Variants in CTNNA2 observed in about 807,000 individuals in gnomAD.
The protein encoded by CTNNA2 is catenin alpha 2, also known as catenin alpha-2.
In CTNNA2, 42 loss-of-function variants were observed where a neutral mutation model predicts 101.0. The observed-to-expected ratio is 0.42, with a 90% confidence interval of 0.32 to 0.54. CTNNA2 has a LOEUF of 0.54. CTNNA2 is among the 20% of genes least tolerant of loss of function. CTNNA2 has a pLI of 0.14. For missense variants in CTNNA2, 871 were observed against 1,223.1 expected, an observed-to-expected ratio of 0.71 and a Z score of 4.29; for synonymous variants, 450 against 456.4, an observed-to-expected ratio of 0.99 and a Z score of 0.18.
At chr2:80,625,544 G>A (rs1671595359) in intron 18 of CTNNA2, among the ~76,000 whole-genome samples, 1 of 151,952 alleles carries the variant, frequency 6.6e-6, no homozygotes, top group Admixed American at 6.6e-5. Flanking sequence ...GTCATTTTTT[G>A]TATGACACTT....
intron 1 of CTNNA2, among the ~76,000 whole-genome samples, chr2:79,644,148 C>T (rs1680639762): frequency 6.6e-6 from 1 of 152,166 alleles, no homozygotes; most frequent in South Asian, 2.1e-4. Context: ...AACAATTCTC[C>T]TGCCTCAGCC....
chr2:79,553,752 A>G (rs1674266345), intron 1 of CTNNA2, among the ~76,000 whole-genome samples: 2 of 152,192 alleles, frequency 1.3e-5, no homozygotes, highest in Admixed American at 6.5e-5. Flanking sequence ...ACCTACTACC[A>G]GGCTTCTCCT....
At chr2:80,431,348 T>C (rs1186442029) in intron 9 of CTNNA2, among the ~76,000 whole-genome samples, 1 of 152,174 alleles carries the variant, frequency 6.6e-6, no homozygotes, top group Non-Finnish European at 1.5e-5. Context: ...TGTGTAATGA[T>C]TTACCCCTAC....
At chr2:80,148,867 ATCT>A (rs1400790091) in intron 7 of CTNNA2, among the ~76,000 whole-genome samples, 4 of 152,110 alleles carry the variant, frequency 2.6e-5, no homozygotes, top group South Asian at 2.1e-4. Flanking sequence ...GCTGCAGATC[ATCT>A]TCTTTATTGC....
chr2:79,849,816 G>A (rs578167903), intron 3 of CTNNA2, among the ~76,000 whole-genome samples: 1 of 152,298 alleles, frequency 6.6e-6, no homozygotes, highest in East Asian at 1.9e-4. Flanking sequence ...AGAGTGTATA[G>A]CATCTGGGAT....
chr2:80,506,491 G>T (rs556815017), intron 9 of CTNNA2, among the ~76,000 whole-genome samples: 1 of 152,246 alleles, frequency 6.6e-6, no homozygotes, highest in East Asian at 1.9e-4. Flanking sequence ...GGTCTACATA[G>T]GTCACAATGG....
At chr2:80,537,888 C>T (rs770662049) in intron 9 of CTNNA2, among the ~76,000 whole-genome samples, 6 of 152,018 alleles carry the variant, frequency 3.9e-5, no homozygotes, top group African/African-American at 7.2e-5. Flanking sequence ...CCACCACACC[C>T]GCCCTGTTTC....
Position 79,591,504 on chromosome 2 carries a change from G to T in CTNNA2, c.-5-60048G>T, listed in dbSNP as rs77124846. 6.6e-3 allele frequency among the ~76,000 whole-genome samples: 1,012 copies of T among 152,244 alleles called. 49 individuals are homozygous for T. In the East Asian group the frequency reaches 0.1, roughly 15 times the overall value. On this transcript the variant is annotated intron_variant, in intron 1 of 18. Coordinates refer to ENST00000402739, the MANE Select transcript of CTNNA2 (RefSeq NM_001282597.3). Reference sequence around the variant, plus strand: ...CAGCAGAATCTGTCATAAGATTCATGTTTAATTCTTTAACCTTCACATCTT... The same window carrying T: ...CAGCAGAATCTGTCATAAGATTCATTTTTAATTCTTTAACCTTCACATCTT...
chr2:80,212,219 T>C (rs1707939326), intron 7 of CTNNA2, among the ~76,000 whole-genome samples: 1 of 152,208 alleles, frequency 6.6e-6, no homozygotes, highest in Non-Finnish European at 1.5e-5. Context: ...TTCTTTCTCC[T>C]GCCTGATTGC....
At chr2:80,073,829 A>C (rs1698511972) in intron 7 of CTNNA2, among the ~76,000 whole-genome samples, 1 of 151,746 alleles carries the variant, frequency 6.6e-6, no homozygotes, top group Non-Finnish European at 1.5e-5. Context: ...ATAATATCTT[A>C]ATCATTTTTC....
At chr2:80,068,339 C>T (rs1698112146) in intron 7 of CTNNA2, among the ~76,000 whole-genome samples, 1 of 152,164 alleles carries the variant, frequency 6.6e-6, no homozygotes. Flanking sequence ...CACTAGGTAA[C>T]AGGGAGGTCA....
intron 7 of CTNNA2, among the ~76,000 whole-genome samples, chr2:80,179,643 G>A (rs562202996): frequency 6.6e-6 from 1 of 152,300 alleles, no homozygotes; most frequent in African/African-American, 2.4e-5. Context: ...AAAATGCTGG[G>A]ATTACAGGTG....
intron 2 of CTNNA2, among the ~76,000 whole-genome samples, chr2:79,218,310 T>TG (rs1558577119): frequency 3.1e-5 from 4 of 130,592 alleles, no homozygotes; most frequent in East Asian, 4.9e-4. Context: ...CTTCATGAAC[T>TG]TTGTGTGTGT....
At chr2:80,617,560 G>A (rs75169946) in intron 17 of CTNNA2, among the ~76,000 whole-genome samples, 247 of 151,826 alleles carry the variant, frequency 1.6e-3, no homozygotes, top group Non-Finnish European at 2.9e-3. Flanking sequence ...CTTTTTATAT[G>A]CAAGACTTTT....
chr2:80,000,040 A>G (rs1414893750), intron 7 of CTNNA2, among the ~76,000 whole-genome samples: 2 of 152,138 alleles, frequency 1.3e-5, no homozygotes, highest in African/African-American at 4.8e-5. Flanking sequence ...GGCAGTGGGA[A>G]TTATGAGAAA....
upstream of CTNNA2, chr2:79,513,021 C>G (rs1270485704): frequency 6.6e-6 from 1 of 152,316 alleles, no homozygotes; most frequent in East Asian, 1.9e-4. Context: ...CTTCCAGCCC[C>G]GAGTGAGGCG....
At chr2:79,717,201 TGTAA>T (rs1244106521) in intron 2 of CTNNA2, among the ~76,000 whole-genome samples, 2 of 152,194 alleles carry the variant, frequency 1.3e-5, no homozygotes, top group Admixed American at 6.5e-5. Flanking sequence ...TTTTTAACTA[TGTAA>T]GTATCTTATT....
chr2:80,303,029 G>A lies in CTNNA2; in HGVS notation c.1057-90182G>A. 6.2e-7 allele frequency: 1 copy of A among 1,613,770 alleles called. No homozygotes were observed. The highest frequency in any genetic ancestry group is 1.1e-5 in the South Asian group (1 of 91,048). Reference sequence around the variant, plus strand: ...CTCCATGTACTCGATCTCGTTGCCCGACAAGTCCATTTTCTCCAGGTTCCA... The same window carrying A: ...CTCCATGTACTCGATCTCGTTGCCCAACAAGTCCATTTTCTCCAGGTTCCA... On this transcript the variant is annotated intron_variant, in intron 7 of 18. Transcript: ENST00000402739. This position sits in a 1 kb window ranked among gnomAD's most constrained non-coding sequence, Gnocchi z 7.7.
intron 3 of CTNNA2, among the ~76,000 whole-genome samples, chr2:79,770,748 A>G (rs900182617): frequency 3.9e-5 from 6 of 152,354 alleles, no homozygotes; most frequent in South Asian, 4.1e-4. Context: ...GTTAAATAAT[A>G]TGTTTCTCAT....
Sources: allele counts gnomAD v4.1 joint callset (sites outside exome capture counted in the v4.1 genomes callset), GRCh38; gene constraint gnomAD v4.1.1; non-coding constraint Gnocchi (gnomAD v3.1); transcripts MANE v1.5; gene names NCBI Gene and HGNC (gene_info 2026-07-23, HGNC 2026-07-21).